The following TRAPPC10 variants were observed in gnomAD, a reference collection of about 807,000 sequenced individuals.
TRAPPC10 encodes TRAPP 130 kDa subunit.
Under a neutral mutation model 125.5 loss-of-function variants are expected in TRAPPC10, and 23 were observed. The ratio of observed to expected loss-of-function variants is 0.18; its 90% CI spans 0.13 to 0.26. The LOEUF is 0.26. Ranked by LOEUF, TRAPPC10 falls within the 10% of genes least tolerant of loss-of-function variation. The pLI, the probability that TRAPPC10 is intolerant of heterozygous loss-of-function variation, is 1.00. For synonymous variants in TRAPPC10, 509 were observed against 518.0 expected, an observed-to-expected ratio of 0.98 and a Z score of 0.24; for missense variants, 1,123 against 1,308.4, an observed-to-expected ratio of 0.86 and a Z score of 2.19.
At chr21:44,043,285 C>T (rs1259632296) in intron 3 of TRAPPC10, among the ~76,000 whole-genome samples, 8 of 139,968 alleles carry the variant, frequency 5.7e-5, no homozygotes, top group Non-Finnish European at 1.2e-4. Context: ...TTGATCTTGG[C>T]TCACTGCAAC....
At chr21:44,046,928 C>T in intron 3 of TRAPPC10, 1 of 840,112 alleles carries the variant, frequency 1.2e-6, no homozygotes, top group Non-Finnish European at 2.1e-6. Flanking sequence ...GGCCGTCCTA[C>T]ATTTCAGGTG....
At chr21:44,094,997 ATAATT>A (rs946934205) in intron 20 of TRAPPC10, among the ~76,000 whole-genome samples, 2 of 149,866 alleles carry the variant, frequency 1.3e-5, no homozygotes, top group Admixed American at 6.7e-5. Context: ...AAATTATTAA[ATAATT>A]TAATTAAATC....
At chr21:44,080,210 T>G (rs1018141486) in intron 13 of TRAPPC10, 83 bp downstream of exon 13, 2 of 1,174,994 alleles carry the variant, frequency 1.7e-6, no homozygotes, top group South Asian at 2.6e-5. Flanking sequence ...ACCAACCACT[T>G]ACAGTAAACA....
At position 44,045,784 on chromosome 21, in the gene TRAPPC10, C is replaced by T. The variant is rs138401711; in HGVS notation, c.286-6496C>T. ...TGTTGGCCAGGCTAGTCTCGAGCTCCCGACCTTCTGATTCGCCCACCTCGG... is the reference window on the plus strand; with the variant it reads ...TGTTGGCCAGGCTAGTCTCGAGCTCTCGACCTTCTGATTCGCCCACCTCGG... On this transcript the variant is annotated intron_variant, in intron 3 of 22. Transcript: ENST00000291574. Among the ~76,000 whole-genome samples the T allele has an allele frequency of 2.8e-3, 426 of 152,066 alleles. 2 individuals are homozygous for T. Among genetic ancestry groups the T allele is most frequent in the African/African-American group, 0.01 (417 of 41,436 alleles).
chr21:44,026,213 C>A (rs747884684), intron 1 of TRAPPC10, among the ~76,000 whole-genome samples: 3 of 151,926 alleles, frequency 2.0e-5, no homozygotes, highest in South Asian at 2.1e-4. Context: ...ACTCCCTGCC[C>A]CCACCCCCGA....
At chr21:44,086,107 G>T (rs2038109962) in intron 15 of TRAPPC10, among the ~76,000 whole-genome samples, 1 of 152,192 alleles carries the variant, frequency 6.6e-6, no homozygotes, top group African/African-American at 2.4e-5. Flanking sequence ...GATTCCCGCA[G>T]GGGAGCCGAA....
chr21:44,053,011 C>T (rs958119463), intron 4 of TRAPPC10, among the ~76,000 whole-genome samples: 1 of 152,052 alleles, frequency 6.6e-6, no homozygotes, highest in South Asian at 2.1e-4. Context: ...TTCAGTGATG[C>T]CATTGCCAGC....
At chr21:44,028,854 C>T (rs1601585033) in intron 1 of TRAPPC10, among the ~76,000 whole-genome samples, 1 of 152,122 alleles carries the variant, frequency 6.6e-6, no homozygotes, top group East Asian at 1.9e-4. Context: ...TATTAACAAG[C>T]GAGTTCCTGC....
At chr21:44,065,576 C>A (rs1256001293) in intron 7 of TRAPPC10, among the ~76,000 whole-genome samples, 1 of 152,250 alleles carries the variant, frequency 6.6e-6, no homozygotes, top group African/African-American at 2.4e-5. Context: ...GTGTCACCCA[C>A]TGATGACTTT....
At chr21:44,037,962 G>A in intron 3 of TRAPPC10, 35 bp downstream of exon 3, 1 of 1,607,152 alleles carries the variant, frequency 6.2e-7, no homozygotes, top group Non-Finnish European at 8.5e-7. Flanking sequence ...TGCGCGGTGG[G>A]ATGGGGTTGG....
chr21:44,042,466 T>C (rs554340007), intron 3 of TRAPPC10, among the ~76,000 whole-genome samples: 1 of 152,334 alleles, frequency 6.6e-6, no homozygotes, highest in South Asian at 2.1e-4. Context: ...TCTAGCTTTA[T>C]TGCATTGTGT....
Position 44,052,449 on chromosome 21 carries a change from A to G in TRAPPC10, c.455A>G (p.Asn152Ser), listed in dbSNP as rs540552453. The change falls in exon 4 of 23, where the codon AAT (asparagine) becomes AGT (serine). Residue 152 changes from asparagine (N) to serine (S), a missense_variant. Physicochemically the swap from Asn to Ser is conservative, Grantham distance 46. Transcript: ENST00000291574. ...PRTSIVDKIR[N>S]DFCNKQSDRC... is the part of the protein sequence containing the mutation. Reference sequence around the variant, plus strand: ...ACCTCTATTGTGGACAAAATAAGAAATGATTTTTGTAATAAACAGAGTGAC... The same window carrying G: ...ACCTCTATTGTGGACAAAATAAGAAGTGATTTTTGTAATAAACAGAGTGAC... 3.7e-6 allele frequency: 6 copies of G among 1,604,036 alleles called. No individual in the cohort carries two copies. In the Admixed American group the frequency reaches 8.8e-5, roughly 23 times the overall value.
chr21:44,044,923 C>G (rs1336152977), intron 3 of TRAPPC10, among the ~76,000 whole-genome samples: 1 of 152,048 alleles, frequency 6.6e-6, no homozygotes, highest in African/African-American at 2.4e-5. Flanking sequence ...ACCTGGGCCT[C>G]CTAAAGTGCT....
Position 44,082,892 on chromosome 21 carries a change from A to G in TRAPPC10, c.1828A>G (p.Ile610Val). ...VHVGGVLCVEITMYSQMPVPV... is the reference protein window; with the variant it reads ...VHVGGVLCVEVTMYSQMPVPV... ...CGTGGGCGGCGTTTTGTGCGTTGAGATAACCATGTACAGCCAGATGCCTGT... is the reference window on the plus strand; with the variant it reads ...CGTGGGCGGCGTTTTGTGCGTTGAGGTAACCATGTACAGCCAGATGCCTGT... The change falls in exon 14 of 23, where the codon ATA (isoleucine) becomes GTA (valine). Residue 610 changes from isoleucine (I) to valine (V), a missense_variant. By Grantham distance (29) the Ile-to-Val change is conservative. This residue lies in a region of TRAPPC10 where 840 missense variants were observed against 902.0 expected (regional missense o/e 0.93). Transcript: ENST00000291574. This position sits in a 1 kb window ranked among gnomAD's most constrained non-coding sequence, Gnocchi z 4.4. The G allele has an allele frequency of 6.2e-7, 1 of 1,614,076 alleles. No homozygotes were observed. The highest frequency in any genetic ancestry group is 8.5e-7 in the Non-Finnish European group (1 of 1,180,022).
At chr21:44,038,689 T>A (rs539328967) in intron 3 of TRAPPC10, among the ~76,000 whole-genome samples, 1 of 151,814 alleles carries the variant, frequency 6.6e-6, no homozygotes, top group Non-Finnish European at 1.5e-5. Context: ...AAAGCAAGAT[T>A]TAGCAGCATA....
At chr21:44,052,203 T>C in intron 3 of TRAPPC10, 77 bp from the exon 4 acceptor site, 1 of 1,269,954 alleles carries the variant, frequency 7.9e-7, no homozygotes, top group Non-Finnish European at 1.1e-6. Context: ...CTTTGCAGGC[T>C]GTTATTAGGC....
intron 3 of TRAPPC10, chr21:44,046,426 G>T: frequency 3.6e-6 from 1 of 279,716 alleles, no homozygotes; most frequent in Non-Finnish European, 7.5e-6. Flanking sequence ...AGCAATTGTA[G>T]CCTTGACAAG....
chr21:44,093,374 G>A (rs575710702), intron 19 of TRAPPC10, among the ~76,000 whole-genome samples: 3 of 152,018 alleles, frequency 2.0e-5, no homozygotes, highest in Non-Finnish European at 2.9e-5. Context: ...AAGATCTCTT[G>A]AACCTGGGAG....
At position 44,080,018 on chromosome 21, in the gene TRAPPC10, C is replaced by T. The variant is rs764048201; in HGVS notation, c.1614C>T (p.Tyr538=). Residue 538 remains tyrosine, a synonymous_variant, in exon 13 of 23, where the codon TAC becomes TAT. Coordinates refer to ENST00000291574, the MANE Select transcript of TRAPPC10 (RefSeq NM_003274.5). Reference sequence around the variant, plus strand: ...GCTCCTTACCTCTCCGCTCCAGCTACCTGCAGACCAGCAGCCTCTTAGCCA... The same window carrying T: ...GCTCCTTACCTCTCCGCTCCAGCTATCTGCAGACCAGCAGCCTCTTAGCCA... ...CQKHLGQIEN[Y]LQTSSLLASD... 13 of 1,613,898 alleles carry T rather than the reference C, an allele frequency of 8.1e-6. 1 individual carries two copies. The Admixed American group carries it at 1.8e-4, about 23-fold the overall frequency.
Sources: allele counts gnomAD v4.1 joint callset (sites outside exome capture counted in the v4.1 genomes callset), GRCh38; gene constraint gnomAD v4.1.1; regional missense constraint gnomAD v4.1.1; non-coding constraint Gnocchi (gnomAD v3.1); transcripts MANE v1.5; gene names NCBI Gene and HGNC (gene_info 2026-07-23, HGNC 2026-07-21).